The following ARG2 variants were observed in gnomAD, a reference collection of about 807,000 sequenced individuals.
ARG2 encodes arginase 2.
A neutral mutation model predicts 39.4 loss-of-function variants in ARG2; 21 were observed. That is an observed-to-expected ratio of 0.53 (90% CI 0.38 to 0.77). The LOEUF (loss-of-function observed/expected upper bound fraction) is 0.77. Ranked by LOEUF, ARG2 falls within the 30% of genes least tolerant of loss-of-function variation. The probability of loss-of-function intolerance (pLI) is 0.00; values close to 1 mark genes in which losing one functional copy is unlikely to be tolerated. For synonymous variants in ARG2, 150 were observed against 156.7 expected (o/e 0.96, Z 0.32); for missense variants, 378 against 426.2 (o/e 0.89, Z 1.00).
rs748036110 is a variant in ARG2 at position 67,620,055 on chromosome 14, G to A, written c.78G>A (p.Val26=). The change falls in exon 1 of 8, where the codon GTG becomes GTA. Residue 26 remains valine (V), a synonymous_variant. Transcript: ENST00000261783. Reference sequence around the variant, plus strand: ...TCCTGAAGAAATCCGTCCACTCCGTGGCTGTGATAGGAGCCCCGTTCTCAC... The same window carrying A: ...TCCTGAAGAAATCCGTCCACTCCGTAGCTGTGATAGGAGCCCCGTTCTCAC... ...HSILKKSVHS[V]AVIGAPFSQG... is the part of the protein sequence containing the mutation. 6.2e-7 allele frequency: 1 copy of A among 1,611,204 alleles called. No homozygotes were observed. The highest frequency in any genetic ancestry group is 1.3e-5 in the African/African-American group (1 of 74,680).
chr14:67,648,502 C>CAAGAT (rs36217347), intron 7 of ARG2: 2 of 196,202 alleles, frequency 1.0e-5, no homozygotes, highest in Non-Finnish European at 2.1e-5. Context: ...GATAAGAAGG[C>CAAGAT]AAGATAAGAT....
intron 7 of ARG2, chr14:67,648,394 A>G: frequency 2.3e-6 from 1 of 441,656 alleles, no homozygotes; most frequent in East Asian, 3.5e-5. Context: ...AATTACACTA[A>G]GGTAATAATG....
intron 2 of ARG2, among the ~76,000 whole-genome samples, chr14:67,627,256 G>GAGAT (rs1555379493): frequency 3.0e-5 from 4 of 133,750 alleles, no homozygotes; most frequent in Admixed American, 7.7e-5. Flanking sequence ...TCAGTAAGGA[G>GAGAT]ATATATATAT....
rs1323751278 is a variant in ARG2 at position 67,631,936 on chromosome 14, G to A, written c.185-10250G>A. Among the ~76,000 whole-genome samples the A allele has an allele frequency of 2.6e-5, 4 of 152,154 alleles. 1 individual carries two copies. The highest frequency in any genetic ancestry group is 4.1e-4 in the South Asian group (2 of 4,836). ...GTCACCCAGGCCAGAGTGCAGTGGT[G>A]TAATCTTGGCTCACTACAACCTCTA... On this transcript the variant is annotated intron_variant, in intron 2 of 7. Coordinates refer to ENST00000261783, the MANE Select transcript of ARG2 (RefSeq NM_001172.4).
intron 6 of ARG2, chr14:67,647,487 G>A (rs952905497): frequency 1.3e-5 from 2 of 157,748 alleles, no homozygotes; most frequent in African/African-American, 4.8e-5. Flanking sequence ...CTGGTAGTAT[G>A]TCATTTCATA....
At chr14:67,645,591 C>T in intron 3 of ARG2, 52 bp from the exon 4 acceptor site, 15 of 1,575,444 alleles carry the variant, frequency 9.5e-6, no homozygotes, top group East Asian at 6.7e-5. Context: ...CGTTTGTTAT[C>T]GGTCATGTTT....
intron 2 of ARG2, among the ~76,000 whole-genome samples, chr14:67,623,761 C>T (rs913086857): frequency 6.6e-6 from 1 of 152,000 alleles, no homozygotes; most frequent in Admixed American, 6.6e-5. Context: ...AGGCTGATCT[C>T]GAACTCCTGA....
chr14:67,644,161 A>C (rs1412623610), intron 3 of ARG2, among the ~76,000 whole-genome samples: 1 of 152,232 alleles, frequency 6.6e-6, no homozygotes, highest in Non-Finnish European at 1.5e-5. Flanking sequence ...AGGCAATCTG[A>C]AATTCTAGAG....
chr14:67,646,535 CCT>C, intron 4 of ARG2, 107 bp from the exon 5 acceptor site: 2 of 827,062 alleles, frequency 2.4e-6, no homozygotes, highest in Non-Finnish European at 4.0e-6. Flanking sequence ...CTAAACTTAC[CCT>C]GTGGGTGGCA....
chr14:67,645,830 T>C, intron 4 of ARG2, 28 bp downstream of exon 4: 1 of 1,611,080 alleles, frequency 6.2e-7, no homozygotes, highest in African/African-American at 1.3e-5. Flanking sequence ...AAAAGAAAGG[T>C]GAATGGCTTG....
At chr14:67,623,630 C>G (rs538547307) in intron 2 of ARG2, among the ~76,000 whole-genome samples, 1 of 151,090 alleles carries the variant, frequency 6.6e-6, no homozygotes, top group African/African-American at 2.4e-5. Flanking sequence ...CAACCTCCGC[C>G]TCCCGGGTTC....
intron 2 of ARG2, among the ~76,000 whole-genome samples, chr14:67,633,774 C>T (rs566016944): frequency 7.2e-5 from 11 of 152,312 alleles, no homozygotes; most frequent in African/African-American, 2.4e-5. Context: ...ACTCTGGGTT[C>T]GGAGGAATTG....
At chr14:67,648,022 A>G in intron 6 of ARG2, 25 bp from the exon 7 acceptor site, 1 of 1,572,234 alleles carries the variant, frequency 6.4e-7, no homozygotes, top group Non-Finnish European at 8.7e-7. Flanking sequence ...TATTTTAAGT[A>G]TTATTTTATC....
At chr14:67,624,586 C>T (rs575024729) in intron 2 of ARG2, among the ~76,000 whole-genome samples, 1 of 152,110 alleles carries the variant, frequency 6.6e-6, no homozygotes, top group Non-Finnish European at 1.5e-5. Context: ...AACCGGATCT[C>T]ATGAGAACTC....
chr14:67,651,343 C>CAA lies in ARG2; in HGVS notation c.*424_*425dup. The CAA allele has an allele frequency of 6.2e-7, 1 of 1,612,332 alleles. No homozygotes were observed. The highest frequency in any genetic ancestry group is 2.2e-5 in the East Asian group (1 of 44,790). On this transcript the variant is annotated 3_prime_UTR_variant, in exon 8 of 8. Coordinates refer to ENST00000261783, the MANE Select transcript of ARG2 (RefSeq NM_001172.4). Reference sequence around the variant, plus strand: ...CCACATCCCTAACATCATGCATTCACAAGGTCAAAGTTCTGGTCCACAAAC... The same window carrying CAA: ...CCACATCCCTAACATCATGCATTCACAAAAGGTCAAAGTTCTGGTCCACAAAC...
At chr14:67,640,702 T>A (rs953882974) in intron 2 of ARG2, among the ~76,000 whole-genome samples, 1 of 152,240 alleles carries the variant, frequency 6.6e-6, no homozygotes, top group Non-Finnish European at 1.5e-5. Flanking sequence ...CAATGTTCTG[T>A]TCTCTGATAG....
At chr14:67,635,689 C>G (rs888710527) in intron 2 of ARG2, among the ~76,000 whole-genome samples, 5 of 152,086 alleles carry the variant, frequency 3.3e-5, no homozygotes, top group Admixed American at 6.6e-5. Context: ...CCTGTCTCTA[C>G]TGAAAATGCA....
rs1358676645 is a variant in ARG2 at position 67,642,280 on chromosome 14, T to A, written c.279T>A (p.Gly93=). 2 of 1,613,994 alleles carry A rather than the reference T, an allele frequency of 1.2e-6. No homozygotes were observed. Among genetic ancestry groups the A allele is most frequent in the African/African-American group, 1.3e-5 (1 of 74,926 alleles). ...TGATAGTGAATCCACGCTCAGTGGG[T>A]CTTGCCAACCAGGAACTGGCTGAGG... ...NNLIVNPRSV[G]LANQELAEVV... Residue 93 remains glycine, a synonymous_variant, in exon 3 of 8, where the codon GGT becomes GGA. Coordinates refer to ENST00000261783, the MANE Select transcript of ARG2 (RefSeq NM_001172.4).
At chr14:67,631,312 T>C (rs1013914747) in intron 2 of ARG2, among the ~76,000 whole-genome samples, 1 of 152,190 alleles carries the variant, frequency 6.6e-6, no homozygotes, top group Admixed American at 6.5e-5. Flanking sequence ...TCTAATACAA[T>C]GAACAGATGA....
Sources: gnomAD v4.1 joint callset for allele counts (sites outside exome capture counted in the v4.1 genomes callset) on GRCh38, gnomAD v4.1.1 for gene constraint, MANE v1.5 for transcripts, NCBI Gene and HGNC (gene_info 2026-07-23, HGNC 2026-07-21) for gene names.